TASOR: variants seen among roughly 807,000 people sequenced by gnomAD.
The protein encoded by TASOR is protein TASOR.
Under a neutral mutation model 178.6 loss-of-function variants are expected in TASOR, and 53 were observed. The ratio of observed to expected loss-of-function variants is 0.30; its 90% CI spans 0.24 to 0.37. The LOEUF (loss-of-function observed/expected upper bound fraction) is 0.37, where lower values mean the gene tolerates loss of function less well. Ranked by LOEUF, TASOR falls within the 10% of genes least tolerant of loss-of-function variation. The probability of loss-of-function intolerance (pLI) is 1.00; values close to 1 mark genes in which losing one functional copy is unlikely to be tolerated. For synonymous variants in TASOR, 713 were observed against 696.2 expected, an observed-to-expected ratio of 1.02 and a Z score of -0.38; for missense variants, 1,815 against 1,971.4, an observed-to-expected ratio of 0.92 and a Z score of 1.50.
At chr3:56,624,353 C>T in intron 23 of TASOR, 126 bp downstream of exon 23, 1 of 877,578 alleles carries the variant, frequency 1.1e-6, no homozygotes, top group Admixed American at 2.5e-5. Flanking sequence ...TCTTGAAACA[C>T]TTTCCCTATG....
intron 3 of TASOR, among the ~76,000 whole-genome samples, chr3:56,670,709 G>A (rs2030593732): frequency 6.6e-6 from 1 of 151,952 alleles, no homozygotes; most frequent in African/African-American, 2.4e-5. Context: ...GCCAAGGCAG[G>A]CAGATCACTT....
At chr3:56,634,010 T>C in intron 17 of TASOR, 44 bp from the exon 18 acceptor site, 1 of 1,430,454 alleles carries the variant, frequency 7.0e-7, no homozygotes, top group Non-Finnish European at 9.2e-7. Flanking sequence ...TCCAAAAAGA[T>C]AAGATATGAA....
chr3:56,665,658 C>T (rs1460341998), intron 7 of TASOR, among the ~76,000 whole-genome samples: 1 of 151,530 alleles, frequency 6.6e-6, no homozygotes, highest in Non-Finnish European at 1.5e-5. Flanking sequence ...TGCGCCTGGC[C>T]AAAATCTCAC....
At chr3:56,669,943 A>C in intron 4 of TASOR, 130 bp downstream of exon 4, 1 of 857,076 alleles carries the variant, frequency 1.2e-6, no homozygotes, top group Non-Finnish European at 1.8e-6. Context: ...TTCAGAACCT[A>C]TGACTAGTCT....
At chr3:56,673,514 A>G in intron 2 of TASOR, 66 bp downstream of exon 2, 1 of 1,283,406 alleles carries the variant, frequency 7.8e-7, no homozygotes, top group East Asian at 3.0e-5. Context: ...TCTAGAGAAC[A>G]TTTTTTTCCC....
intron 3 of TASOR, among the ~76,000 whole-genome samples, chr3:56,670,891 C>A (rs4681981): frequency 0.61 from 85,344 of 139,602 alleles, 28,279 homozygotes; most frequent in East Asian, 0.95. Context: ...GAGTGAGCCG[C>A]GATCACACCA....
chr3:56,656,130 A>C (rs1436071517), intron 11 of TASOR, among the ~76,000 whole-genome samples: 1 of 152,226 alleles, frequency 6.6e-6, no homozygotes, highest in Non-Finnish European at 1.5e-5. Context: ...GAAAAAAATA[A>C]AACCAATCTA....
intron 21 of TASOR, 108 bp downstream of exon 21, chr3:56,626,929 C>T: frequency 1.5e-6 from 1 of 647,730 alleles, no homozygotes; most frequent in South Asian, 2.3e-5. Flanking sequence ...TGGCTATGGA[C>T]ATCTGTGAAA....
intron 17 of TASOR, among the ~76,000 whole-genome samples, chr3:56,637,601 A>C (rs1180106189): frequency 6.7e-6 from 1 of 149,574 alleles, no homozygotes; most frequent in Non-Finnish European, 1.5e-5. Context: ...TTTTTTAACC[A>C]CATTTTCCTA....
At chr3:56,681,884 T>C (rs2031827013) in intron 1 of TASOR, among the ~76,000 whole-genome samples, 1 of 152,198 alleles carries the variant, frequency 6.6e-6, no homozygotes, top group South Asian at 2.1e-4. Context: ...AAACTAAGAC[T>C]GGACTTTTTT....
At chr3:56,657,158 T>A (rs190416594) in intron 11 of TASOR, among the ~76,000 whole-genome samples, 194 of 151,356 alleles carry the variant, frequency 1.3e-3, no homozygotes, top group African/African-American at 1.6e-3. Context: ...TGAAACCCCA[T>A]CTCTACTAAG....
chr3:56,662,725 G>T (rs1021101715), intron 8 of TASOR, among the ~76,000 whole-genome samples: 1 of 152,088 alleles, frequency 6.6e-6, no homozygotes. Flanking sequence ...AATAACAAAT[G>T]TATCTGTCTA....
At chr3:56,641,050 G>A (rs1477001228) in intron 15 of TASOR, among the ~76,000 whole-genome samples, 1 of 152,028 alleles carries the variant, frequency 6.6e-6, no homozygotes, top group Non-Finnish European at 1.5e-5. Context: ...AAACAATAAG[G>A]AATTAACTCC....
Position 56,669,686 on chromosome 3 carries a change from T to C in TASOR, c.735+14A>G. ...TGTAGTTTTTCATACATGAAGTGTGTAAGTTTAAATTACCTTCATTATTTT... is the reference window on the plus strand; with the variant it reads ...TGTAGTTTTTCATACATGAAGTGTGCAAGTTTAAATTACCTTCATTATTTT... On this transcript the variant is annotated intron_variant, in intron 5 of 23. Transcript: ENST00000683822. 6.8e-7 allele frequency: 1 copy of C among 1,476,994 alleles called. No individual in the cohort carries two copies. Among genetic ancestry groups the C allele is most frequent in the Non-Finnish European group, 9.2e-7 (1 of 1,088,826 alleles). The allele number at this position is 1,476,994 out of a possible 1,614,324, so 91.5% of individuals were successfully genotyped here. A position where few individuals can be genotyped will look rare whatever the true frequency, so the allele number is the denominator to read the frequency against.
At position 56,637,942 on chromosome 3, in the gene TASOR, A is replaced by G. The variant is rs181929543; in HGVS notation, c.2824+764T>C. 8.2e-4 allele frequency among the ~76,000 whole-genome samples: 125 copies of G among 152,284 alleles called. 1 individual carries two copies. The highest frequency in any genetic ancestry group is 3.0e-3 in the African/African-American group (124 of 41,552). ...TATCTGCAACTGTTTCTGAAATCCA[A>G]GTTTCTTAATCTTATTTAATCTACC... On this transcript the variant is annotated intron_variant, in intron 17 of 23. Coordinates refer to ENST00000683822, the MANE Select transcript of TASOR (RefSeq NM_001365635.2).
intron 5 of TASOR, among the ~76,000 whole-genome samples, chr3:56,668,830 T>C (rs1449526371): frequency 6.6e-6 from 1 of 151,982 alleles, no homozygotes; most frequent in Non-Finnish European, 1.5e-5. Flanking sequence ...AAATTAGCAG[T>C]GCATGGTGGC....
chr3:56,678,160 T>C (rs2031474727), intron 1 of TASOR, among the ~76,000 whole-genome samples: 1 of 147,244 alleles, frequency 6.8e-6, no homozygotes, highest in South Asian at 2.1e-4. Context: ...ACTAGTATCA[T>C]ACAAAACACA....
rs1377744397 is a variant in TASOR at position 56,622,396 on chromosome 3, T to TA, written c.*640dup. On this transcript the variant is annotated 3_prime_UTR_variant, in exon 24 of 24. Transcript: ENST00000683822. ...ATAAACAGAAGCCTATCTTTTGAAA[T>TA]AAAAAATTTAATTTCATTAAATCAA... 6.6e-6 allele frequency: 1 copy of TA among 152,280 alleles called. No individual in the cohort carries two copies. The highest frequency in any genetic ancestry group is 1.5e-5 in the Non-Finnish European group (1 of 67,970). The allele number at this position is 152,280 out of a possible 1,614,324, so 9.4% of individuals were successfully genotyped here.
At chr3:56,666,872 T>C (rs766655585) in intron 6 of TASOR, among the ~76,000 whole-genome samples, 23 of 152,218 alleles carry the variant, frequency 1.5e-4, no homozygotes, top group Non-Finnish European at 3.2e-4. Flanking sequence ...GCCTTCCCTC[T>C]TCCCATTACC....
Sources: allele counts gnomAD v4.1 joint callset (sites outside exome capture counted in the v4.1 genomes callset), GRCh38; gene constraint gnomAD v4.1.1; transcripts MANE v1.5; gene names NCBI Gene and HGNC (gene_info 2026-07-23, HGNC 2026-07-21).